NPHP3: variants seen among roughly 807,000 people sequenced by gnomAD.
The protein encoded by NPHP3 is nephrocystin 3, also known as nephrocystin-3.
A neutral mutation model predicts 171.9 loss-of-function variants in NPHP3; 123 were observed. That is an observed-to-expected ratio of 0.72 (90% CI 0.62 to 0.83). The LOEUF is 0.83. Among genes scored for constraint, NPHP3 ranks in the 40% least tolerant of loss-of-function variants. The probability of loss-of-function intolerance (pLI) is 0.00; values close to 1 mark genes in which losing one functional copy is unlikely to be tolerated. For synonymous variants in NPHP3, 558 were observed against 579.2 expected (o/e 0.96, Z 0.52); for missense variants, 1,506 against 1,591.9 (o/e 0.95, Z 0.92).
Position 132,696,736 on chromosome 3 carries a change from G to A in NPHP3, c.2166C>T (p.Ile722=), listed in dbSNP as rs368406864. The change falls in exon 15 of 27, where the codon ATC becomes ATT. Residue 722 remains isoleucine, a synonymous_variant. Transcript: ENST00000337331. The part of the protein sequence containing the change: ...ALYVTLFGKM[I]ARAGRAGNLD... ...GTAAAATAATCACCACTCACCGCGC[G>A]ATCATTTTGCCGAAAAGGGTGACAT... is the stretch of plus-strand genomic sequence containing the variant. 2.5e-5 allele frequency: 41 copies of A among 1,613,756 alleles called. No homozygotes were observed. Among genetic ancestry groups the A allele is most frequent in the East Asian group, 6.7e-5 (3 of 44,884 alleles).
At chr3:132,716,446 A>T (rs1940053588) in intron 4 of NPHP3, among the ~76,000 whole-genome samples, 1 of 152,216 alleles carries the variant, frequency 6.6e-6, no homozygotes, top group Non-Finnish European at 1.5e-5. Context: ...GAAAGATTAA[A>T]ACCTACTGTT....
Position 132,688,692 on chromosome 3 carries a change from C to G in NPHP3, c.3083G>C (p.Arg1028Pro), listed in dbSNP as rs200722938. The G allele has an allele frequency of 2.5e-6, 4 of 1,614,054 alleles. No individual in the cohort carries two copies. The East Asian group carries it at 8.9e-5, about 36-fold the overall frequency. ...AYGADHPYTA[R>P]ELEALATLYQ... is the part of the protein sequence containing the mutation. Reference sequence around the variant, plus strand: ...CAAAGTTGCAAGTGCTTCAAGTTCACGAGCAGTATATGGATGGTCCGCACC... The same window carrying G: ...CAAAGTTGCAAGTGCTTCAAGTTCAGGAGCAGTATATGGATGGTCCGCACC... The change falls in exon 21 of 27, where the codon CGT (arginine) becomes CCT (proline). Residue 1028 changes from arginine to proline, a missense_variant. Physicochemically the swap from Arg to Pro is moderately radical, Grantham distance 103. Around this residue, in one of 3 missense-constraint regions of NPHP3, gnomAD observed 569 missense variants for 648.1 expected, o/e 0.88. Transcript: ENST00000337331.
intron 8 of NPHP3, among the ~76,000 whole-genome samples, chr3:132,705,339 G>C (rs1465214127): frequency 6.6e-6 from 1 of 152,078 alleles, no homozygotes; most frequent in Non-Finnish European, 1.5e-5. Context: ...CTGGAGGCAT[G>C]CTTTCATCCC....
chr3:132,722,370 C>A lies in NPHP3; in HGVS notation c.-15G>T. On this transcript the variant is annotated 5_prime_UTR_variant, in exon 1 of 27. Transcript: ENST00000337331. The stretch of plus-strand genomic sequence containing the variant: ...GCGGTCCCCATGGCGTCCGTTGCCG[C>A]TACTACCTAGTGAGTACCAGCAGGA... 1.3e-6 allele frequency: 2 copies of A among 1,575,110 alleles called. No homozygotes were observed. Among genetic ancestry groups the A allele is most frequent in the Non-Finnish European group, 1.7e-6 (2 of 1,170,320 alleles).
At chr3:132,707,910 C>T (rs1939796705) in intron 7 of NPHP3, among the ~76,000 whole-genome samples, 191 bp downstream of exon 7, 2 of 152,088 alleles carry the variant, frequency 1.3e-5, no homozygotes. Context: ...AGCTAATATC[C>T]TCAAAATGGC....
intron 25 of NPHP3, 148 bp from the exon 26 acceptor site, chr3:132,682,966 T>C: frequency 1.5e-6 from 1 of 655,982 alleles, no homozygotes; most frequent in Non-Finnish European, 2.7e-6. Context: ...TGAATAATCA[T>C]AGGAGAAGCA....
In NPHP3 at chr3:132,719,739, T is replaced by C; in HGVS notation, c.485A>G (p.Glu162Gly). The C allele has an allele frequency of 6.3e-7, 1 of 1,577,678 alleles. No individual in the cohort carries two copies. Among genetic ancestry groups the C allele is most frequent in the Non-Finnish European group, 8.6e-7 (1 of 1,158,670 alleles). ...YQAMERAATFEHDRDKVKRQF... is the reference protein window; with the variant it reads ...YQAMERAATFGHDRDKVKRQF... ...CCTTTTAACTTTATCTCTGTCATGT[T>C]CAAATGTTGCTGCTCTCTCCATTGC... Residue 162 changes from glutamate to glycine, a missense_variant, in exon 2 of 27, where the codon GAA becomes GGA. Coordinates refer to ENST00000337331, the MANE Select transcript of NPHP3 (RefSeq NM_153240.5).
rs902404074 is a variant in NPHP3 at position 132,701,416 on chromosome 3, G to A, written c.1628+14C>T. 1.3e-6 allele frequency: 2 copies of A among 1,494,848 alleles called. No homozygotes were observed. Among genetic ancestry groups the A allele is most frequent in the Non-Finnish European group, 1.9e-6 (2 of 1,071,646 alleles). The allele number at this position is 1,494,848 out of a possible 1,614,324, so 92.6% of individuals were successfully genotyped here. On this transcript the variant is annotated intron_variant, in intron 10 of 26. Coordinates refer to ENST00000337331, the MANE Select transcript of NPHP3 (RefSeq NM_153240.5). ...AAACAATGACAACAATAATTTAATT[G>A]CACTGCATCATACCACTTTGATAAA...
intron 4 of NPHP3, among the ~76,000 whole-genome samples, 176 bp from the exon 5 acceptor site, chr3:132,715,394 C>A (rs1475218032): frequency 6.6e-6 from 1 of 152,204 alleles, no homozygotes; most frequent in East Asian, 1.9e-4. Flanking sequence ...AACTCAAATT[C>A]TATCCTAGGA....
Position 132,691,294 on chromosome 3 carries a change from G to C in NPHP3, c.2476-8C>G, listed in dbSNP as rs745748405. 2 of 1,588,532 alleles carry C rather than the reference G, an allele frequency of 1.3e-6. No individual in the cohort carries two copies. Among genetic ancestry groups the C allele is most frequent in the Admixed American group, 3.3e-5 (2 of 59,960 alleles). ...TCTCACTGTTTCCCAAGCCTAGGGA[G>C]AAAAAGAAGAAATACTGAGTTCTAT... On this transcript the variant is annotated splice_region_variant and splice_polypyrimidine_tract_variant and intron_variant, in intron 17 of 26. Transcript: ENST00000337331.
intron 26 of NPHP3, 110 bp from the exon 27 acceptor site, chr3:132,682,200 C>G: frequency 3.1e-6 from 3 of 983,286 alleles, no homozygotes; most frequent in South Asian, 1.4e-5. Flanking sequence ...CCCATTTCCC[C>G]TCTTTTTCCA....
Position 132,682,845 on chromosome 3 carries a change from T to G in NPHP3, c.3697-27A>C, listed in dbSNP as rs757349877. ...TTATTAAAAAAAATGATAATGCTCA[T>G]GCACACTGGGTTTCTGAAATTAATG... On this transcript the variant is annotated intron_variant, in intron 25 of 26. Coordinates refer to ENST00000337331, the MANE Select transcript of NPHP3 (RefSeq NM_153240.5). 2.2e-6 allele frequency: 3 copies of G among 1,378,904 alleles called. No homozygotes were observed. In the South Asian group the frequency reaches 3.5e-5, roughly 16 times the overall value. 85.4% of individuals were successfully genotyped at this position (1,378,904 alleles called of 1,614,324 possible).
chr3:132,714,221 CAT>C (rs755754915), intron 5 of NPHP3, among the ~76,000 whole-genome samples: 10 of 152,338 alleles, frequency 6.6e-5, no homozygotes, highest in South Asian at 2.1e-4. Context: ...ATAATTTCCA[CAT>C]GTCATAAAAT....
chr3:132,717,617 G>C (rs1378068645), intron 3 of NPHP3, among the ~76,000 whole-genome samples: 1 of 152,086 alleles, frequency 6.6e-6, no homozygotes, highest in Non-Finnish European at 1.5e-5. Context: ...AAAGGAATTT[G>C]TTTCTAACTT....
Position 132,699,908 on chromosome 3 carries a change from A to T in NPHP3, c.1887+10T>A, listed in dbSNP as rs982655867. On this transcript the variant is annotated intron_variant, in intron 12 of 26. Transcript: ENST00000337331. Reference sequence around the variant, plus strand: ...GAGCATATCAATAGGTAACAAATGGAAAACGGTACCTGAACTTGATCTATA... The same window carrying T: ...GAGCATATCAATAGGTAACAAATGGTAAACGGTACCTGAACTTGATCTATA... 40 of 1,613,744 alleles carry T rather than the reference A, an allele frequency of 2.5e-5. No homozygotes were observed. Among genetic ancestry groups the T allele is most frequent in the Non-Finnish European group, 3.3e-5 (39 of 1,179,758 alleles).
Position 132,691,249 on chromosome 3 carries a change from G to C in NPHP3, c.2513C>G (p.Pro838Arg). 3 of 1,613,260 alleles carry C rather than the reference G, an allele frequency of 1.9e-6. No individual in the cohort carries two copies. Among genetic ancestry groups the C allele is most frequent in the Non-Finnish European group, 2.5e-6 (3 of 1,179,412 alleles). Residue 838 changes from proline (P) to arginine (R), a missense_variant, in exon 18 of 27, where the codon CCC becomes CGC. This residue lies in a region of NPHP3 where 569 missense variants were observed against 648.1 expected (regional missense o/e 0.88). Transcript: ENST00000337331. ...TTGCCTGTATGAAGAAGTAACAGTG[G>C]GGCCTTCCAGGTACTCCAATCTCAC... ...ETVRLEYLEG[P>R]TVTSSYRQKL...
At position 132,705,193 on chromosome 3, in the gene NPHP3, A is replaced by T. The variant is rs189696652; in HGVS notation, c.1350+547T>A. On this transcript the variant is annotated intron_variant, in intron 8 of 26. Transcript: ENST00000337331. ...ATTTTTTTCTAATATATAATTTAAA[A>T]TTTTTTTATATTAAACACAAACATA... Among the ~76,000 whole-genome samples the T allele has an allele frequency of 9.3e-3, 1,414 of 152,164 alleles. 30 individuals carry two copies. Among genetic ancestry groups the T allele is most frequent in the African/African-American group, 0.032 (1,345 of 41,554 alleles).
At chr3:132,701,909 C>T (rs1368957440) in intron 9 of NPHP3, among the ~76,000 whole-genome samples, 1 of 152,068 alleles carries the variant, frequency 6.6e-6, no homozygotes, top group Non-Finnish European at 1.5e-5. Context: ...GCCTGTAGTC[C>T]CAGCTACTCA....
At chr3:132,706,008 AAAGT>A (rs1347519530) in intron 7 of NPHP3, among the ~76,000 whole-genome samples, 194 bp from the exon 8 acceptor site, 2 of 152,170 alleles carry the variant, frequency 1.3e-5, no homozygotes, top group African/African-American at 4.8e-5. Context: ...AAACTGAGGC[AAAGT>A]AAGTAACTTG....
Sources: gnomAD v4.1 joint callset for allele counts (sites outside exome capture counted in the v4.1 genomes callset) on GRCh38, gnomAD v4.1.1 for gene constraint, gnomAD v4.1.1 regional missense constraint, MANE v1.5 for transcripts, NCBI Gene and HGNC (gene_info 2026-07-23, HGNC 2026-07-21) for gene names.